Variants in CEMIP2 observed in about 807,000 individuals in gnomAD.
The protein encoded by CEMIP2 is cell migration inducing hyaluronidase 2.
In CEMIP2, 79 loss-of-function variants were observed where a neutral mutation model predicts 146.9. The observed-to-expected ratio is 0.54, with a 90% CI of 0.45 to 0.65. CEMIP2 has a LOEUF of 0.65. Ranked by LOEUF, CEMIP2 falls within the 30% of genes least tolerant of loss-of-function variation. The probability of loss-of-function intolerance (pLI) is 0.00; values close to 1 mark genes in which losing one functional copy is unlikely to be tolerated. For synonymous variants in CEMIP2, 601 were observed against 606.3 expected, an observed-to-expected ratio of 0.99 and a Z score of 0.13; for missense variants, 1,596 against 1,696.2, an observed-to-expected ratio of 0.94 and a Z score of 1.04.
chr9:71,761,991 T>C (rs1456063512), intron 1 of CEMIP2, among the ~76,000 whole-genome samples: 1 of 145,308 alleles, frequency 6.9e-6, no homozygotes, highest in Non-Finnish European at 1.5e-5. Flanking sequence ...ACCACTGAAC[T>C]CCGCCATTTA....
At chr9:71,761,247 T>A (rs1824626092) in intron 1 of CEMIP2, among the ~76,000 whole-genome samples, 1 of 152,228 alleles carries the variant, frequency 6.6e-6, no homozygotes. Flanking sequence ...AGACAATGCA[T>A]TAAAATACTT....
At chr9:71,694,165 C>T (rs1418883703) in intron 21 of CEMIP2, among the ~76,000 whole-genome samples, 1 of 151,840 alleles carries the variant, frequency 6.6e-6, no homozygotes, top group African/African-American at 2.4e-5. Context: ...CTCTGTTGCA[C>T]AGGCTGGAGT....
Position 71,750,357 on chromosome 9 carries a change from G to A in CEMIP2, c.17C>T (p.Ser6Phe). 4 of 1,611,306 alleles carry A rather than the reference G, an allele frequency of 2.5e-6. No individual in the cohort carries two copies. Among genetic ancestry groups the A allele is most frequent in the Non-Finnish European group, 3.4e-6 (4 of 1,178,718 alleles). Residue 6 changes from serine to phenylalanine, a missense_variant, in exon 2 of 24, where the codon TCC becomes TTC. Physicochemically the swap from Ser to Phe is radical, Grantham distance 155. Coordinates refer to ENST00000377044, the MANE Select transcript of CEMIP2 (RefSeq NM_013390.3). ...GAGGAAAGCAGGGGAGTGTCCCCTG[G>A]AATCAGTGGCATACATGATACACTG... Reference protein sequence around the residue: MYATDSRGHSPAFLQP... With the variant: MYATDFRGHSPAFLQP...
intron 2 of CEMIP2, among the ~76,000 whole-genome samples, chr9:71,747,346 A>G (rs762819317): frequency 1.2e-4 from 18 of 152,212 alleles, no homozygotes; most frequent in Non-Finnish European, 1.9e-4. Flanking sequence ...ATAATGAAAC[A>G]CTGAACAATA....
chr9:71,700,787 T>C lies in CEMIP2; in HGVS notation c.3232A>G (p.Asn1078Asp), dbSNP rs746367008. Reference sequence around the variant, plus strand: ...CCAAAGGTAACTTGAAAACTTGTGTTTGATGGATAGCAAAGGCCAACTCGA... The same window carrying C: ...CCAAAGGTAACTTGAAAACTTGTGTCTGATGGATAGCAAAGGCCAACTCGA... The part of the protein sequence containing the change: ...WIRVGLCYPS[N>D]TSFQVTFGYL... The change falls in exon 19 of 24, where the codon AAC becomes GAC. Residue 1078 changes from asparagine to aspartate, a missense_variant. Physicochemically the swap from Asn to Asp is conservative, Grantham distance 23. Coordinates refer to ENST00000377044, the MANE Select transcript of CEMIP2 (RefSeq NM_013390.3). 2 of 1,611,964 alleles carry C rather than the reference T, an allele frequency of 1.2e-6. No homozygotes were observed. Among genetic ancestry groups the C allele is most frequent in the Admixed American group, 1.7e-5 (1 of 59,364 alleles).
upstream of CEMIP2, among the ~76,000 whole-genome samples, chr9:71,769,184 C>A (rs1421330976): frequency 6.6e-6 from 1 of 152,200 alleles, no homozygotes; most frequent in Non-Finnish European, 1.5e-5. Flanking sequence ...GCCTCCAGCA[C>A]CCCCAGATAA....
intron 21 of CEMIP2, among the ~76,000 whole-genome samples, chr9:71,694,123 ATTTATTT>A (rs1234210627): frequency 2.0e-5 from 3 of 149,328 alleles, no homozygotes; most frequent in Non-Finnish European, 4.5e-5. Flanking sequence ...TTATTTATTT[ATTTATTT>A]ATTTATTTTG....
chr9:71,706,240 G>GAA (rs35856513), intron 17 of CEMIP2, among the ~76,000 whole-genome samples: 13,817 of 134,634 alleles, frequency 0.1, 1,317 homozygotes, highest in African/African-American at 0.25. Flanking sequence ...AAAAAAAAAG[G>GAA]AAAAAAAAAA....
chr9:71,699,538 A>G, intron 19 of CEMIP2: 1 of 348,364 alleles, frequency 2.9e-6, no homozygotes, highest in Non-Finnish European at 5.8e-6. Context: ...TTAAGCTGAT[A>G]ACACTGGCTG....
rs1224256176 is a variant in CEMIP2, at chr9:71,698,105, G to A, written c.3477C>T (p.Asp1159=). The change falls in exon 20 of 24, where the codon GAC becomes GAT. Residue 1159 remains aspartate, a synonymous_variant. Coordinates refer to ENST00000377044, the MANE Select transcript of CEMIP2 (RefSeq NM_013390.3). ...CCATGCAGTTACTGATGTCCTTTGA[G>A]TCTGTGGCTGCTTGGATCTTGACTC... ...CERVKIQAAT[D]SKDISNCMAK... is the part of the protein sequence containing the mutation. The A allele has an allele frequency of 8.7e-6, 14 of 1,614,018 alleles. No homozygotes were observed. Among genetic ancestry groups the A allele is most frequent in the Non-Finnish European group, 1.0e-5 (12 of 1,180,036 alleles).
chr9:71,759,308 G>GA (rs138377205), intron 1 of CEMIP2, among the ~76,000 whole-genome samples: 23 of 150,414 alleles, frequency 1.5e-4, no homozygotes, highest in African/African-American at 2.2e-4. Flanking sequence ...CTTCCTTAAA[G>GA]AAAAAAAAAA....
At chr9:71,742,200 C>T (rs1823942570) in intron 4 of CEMIP2, among the ~76,000 whole-genome samples, 1 of 152,198 alleles carries the variant, frequency 6.6e-6, no homozygotes, top group Non-Finnish European at 1.5e-5. Context: ...TCCACAGCCG[C>T]CCCTGTATGG....
At chr9:71,692,973 G>T (rs1822278243) in intron 21 of CEMIP2, among the ~76,000 whole-genome samples, 1 of 151,930 alleles carries the variant, frequency 6.6e-6, no homozygotes, top group African/African-American at 2.4e-5. Flanking sequence ...GTTACATAGG[G>T]ATAGTCTTAA....
At position 71,745,182 on chromosome 9, in the gene CEMIP2, G is replaced by T. The variant is rs1824045057; in HGVS notation, c.870C>A (p.Tyr290Ter). The T allele has an allele frequency of 6.2e-7, 1 of 1,614,070 alleles. No individual in the cohort carries two copies. The highest frequency in any genetic ancestry group is 8.5e-7 in the Non-Finnish European group (1 of 1,180,016). The stretch of plus-strand genomic sequence containing the variant: ...CCTGAAGCCGCCTGCTCTCATTGCG[G>T]TATTCATGGGTATCAAATCTCTCAC... ...LESERFDTHE[Y>*]RNESRRLQEF... The change falls in exon 4 of 24, where the codon TAC (tyrosine) becomes TAA (stop). Residue 290 changes from tyrosine (Y) to a stop codon, truncating the protein, a stop_gained. Coordinates refer to ENST00000377044, the MANE Select transcript of CEMIP2 (RefSeq NM_013390.3). LOFTEE classifies it high-confidence loss of function.
At position 71,734,993 on chromosome 9, in the gene CEMIP2, G is replaced by C. The variant is rs758003068; in HGVS notation, c.1206C>G (p.Gly402=). 1.9e-6 allele frequency: 3 copies of C among 1,541,604 alleles called. No homozygotes were observed. The highest frequency in any genetic ancestry group is 2.6e-6 in the Non-Finnish European group (3 of 1,149,578). Reference sequence around the variant, plus strand: ...CTACCCGGAATCCTGAAAGAGAAACGCCTAAACCAAAAAAAAAAAAAAGAA... The same window carrying C: ...CTACCCGGAATCCTGAAAGAGAAACCCCTAAACCAAAAAAAAAAAAAAGAA... ...SVTAYSEWIE[G]VSLSGFRVEV... The change falls in exon 6 of 24, where the codon GGC becomes GGG. Residue 402 remains glycine, a splice_region_variant and synonymous_variant. Transcript: ENST00000377044.
chr9:71,743,723 C>T (rs1251837431), intron 4 of CEMIP2, among the ~76,000 whole-genome samples: 1 of 152,182 alleles, frequency 6.6e-6, no homozygotes, highest in African/African-American at 2.4e-5. Context: ...GTCCTTTCGT[C>T]TAAGCATCCA....
chr9:71,745,031 C>A lies in CEMIP2; in HGVS notation c.1021G>T (p.Gly341Ter). ...AGGTATGCCTACCTGTAGCCCAGTC[C>A]TTGGATCAGTTCACTTCCCAACCGT... The part of the protein sequence containing the change: ...QERLGSELIQ[G>*]LGYRQAWALV... Residue 341 changes from glycine to a stop codon, truncating the protein, a stop_gained, in exon 4 of 24, where the codon GGA (glycine) becomes TGA (stop). Coordinates refer to ENST00000377044, the MANE Select transcript of CEMIP2 (RefSeq NM_013390.3). LOFTEE classifies it high-confidence loss of function. 6.2e-7 allele frequency: 1 copy of A among 1,613,824 alleles called. No homozygotes were observed. Among genetic ancestry groups the A allele is most frequent in the South Asian group, 1.1e-5 (1 of 91,058 alleles).
chr9:71,707,616 AG>A (rs758817444), intron 17 of CEMIP2, among the ~76,000 whole-genome samples: 3 of 152,220 alleles, frequency 2.0e-5, no homozygotes, highest in Non-Finnish European at 2.9e-5. Flanking sequence ...CATGTAATTC[AG>A]GGGGCTCAGA....
intron 1 of CEMIP2, among the ~76,000 whole-genome samples, chr9:71,766,259 G>A (rs1824789648): frequency 1.3e-5 from 2 of 151,970 alleles, no homozygotes; most frequent in Admixed American, 6.6e-5. Flanking sequence ...TTTTAGTAGA[G>A]ATAGGGTTTT....
Sources: gnomAD v4.1 joint callset for allele counts (sites outside exome capture counted in the v4.1 genomes callset) on GRCh38, gnomAD v4.1.1 for gene constraint, MANE v1.5 for transcripts, NCBI Gene and HGNC (gene_info 2026-07-23, HGNC 2026-07-21) for gene names.